The following PMS1 variants were observed in gnomAD, a reference collection of about 807,000 sequenced individuals.
PMS1 encodes PMS1 protein homolog 1.
PMS1 carries 79 observed loss-of-function variants against 93.1 expected under a neutral mutation model. The observed-to-expected ratio is 0.85, with a 90% CI of 0.71 to 1.02. The LOEUF (loss-of-function observed/expected upper bound fraction) is 1.02. Among genes scored for constraint, PMS1 ranks in the 50% least tolerant of loss-of-function variants. PMS1 has a pLI of 0.00. For synonymous variants in PMS1, 335 were observed against 363.4 expected, an observed-to-expected ratio of 0.92 and a Z score of 0.89; for missense variants, 1,064 against 1,085.3, an observed-to-expected ratio of 0.98 and a Z score of 0.28.
chr2:189,791,642 A>G lies in PMS1; in HGVS notation c.-20-148A>G, dbSNP rs2048881482. 4 of 608,864 alleles carry G rather than the reference A, an allele frequency of 6.6e-6. No homozygotes were observed. In the Admixed American group the frequency reaches 1.1e-4, roughly 17 times the overall value. The allele number at this position is 608,864 out of a possible 1,614,324, so 37.7% of individuals were successfully genotyped here. A position where few individuals can be genotyped will look rare whatever the true frequency, so the allele number is the denominator to read the frequency against. On this transcript the variant is annotated intron_variant, in intron 1 of 12. Coordinates refer to ENST00000441310, the MANE Select transcript of PMS1 (RefSeq NM_000534.5). The stretch of plus-strand genomic sequence containing the variant: ...AAAAAAAAAAAAGAAGAAATAGAAG[A>G]CTTAATATTGTATGTGCTAACAGTT...
At chr2:189,821,446 G>A (rs1424057606) in intron 5 of PMS1, among the ~76,000 whole-genome samples, 13 of 141,332 alleles carry the variant, frequency 9.2e-5, no homozygotes, top group Admixed American at 7.9e-4. Context: ...TACAGAGGGA[G>A]ACTCCGTCTC....
At position 189,861,663 on chromosome 2, in the gene PMS1, C is replaced by T. The variant is rs144933170; in HGVS notation, c.1857-2080C>T. On this transcript the variant is annotated intron_variant, in intron 9 of 12. Transcript: ENST00000441310. Reference sequence around the variant, plus strand: ...ACTCTGGAGGCTGAGGCAGGAAAATCGCTTAGAACCTGGGAGGCAGAGGTT... The same window carrying T: ...ACTCTGGAGGCTGAGGCAGGAAAATTGCTTAGAACCTGGGAGGCAGAGGTT... 2.9e-3 allele frequency among the ~76,000 whole-genome samples: 439 copies of T among 151,304 alleles called. 1 individual carries two copies. The highest frequency in any genetic ancestry group is 0.01 in the African/African-American group (418 of 41,230).
At chr2:189,855,157 G>C in intron 9 of PMS1, 29 bp downstream of exon 9, 3 of 1,585,004 alleles carry the variant, frequency 1.9e-6, no homozygotes, top group Non-Finnish European at 2.6e-6. Flanking sequence ...CATGTGACTT[G>C]AATGTTCAGC....
chr2:189,830,717 A>C (rs1484574045), intron 5 of PMS1, among the ~76,000 whole-genome samples: 1 of 152,218 alleles, frequency 6.6e-6, no homozygotes, highest in Non-Finnish European at 1.5e-5. Flanking sequence ...AACAGGATCA[A>C]GGGCTGAGAA....
At chr2:189,806,873 T>C in intron 4 of PMS1, 1 of 213,466 alleles carries the variant, frequency 4.7e-6, no homozygotes. Context: ...AATTATTAGA[T>C]CTGAAAAGGG....
At chr2:189,787,658 A>T (rs562552075) in intron 1 of PMS1, among the ~76,000 whole-genome samples, 81 of 151,902 alleles carry the variant, frequency 5.3e-4, no homozygotes, top group African/African-American at 1.8e-3. Context: ...TGATGTATGT[A>T]CATTATAGTT....
At chr2:189,788,819 TAGTGTTC>T (rs2048597453) in intron 1 of PMS1, among the ~76,000 whole-genome samples, 1 of 152,214 alleles carries the variant, frequency 6.6e-6, no homozygotes, top group South Asian at 2.1e-4. Flanking sequence ...TCTAGTGCTC[TAGTGTTC>T]AGTAAGCTAC....
At position 189,795,727 on chromosome 2, in the gene PMS1, T is replaced by C. The variant is rs1399851942; in HGVS notation, c.133-42T>C. 9 of 1,457,106 alleles carry C rather than the reference T, an allele frequency of 6.2e-6. No homozygotes were observed. The East Asian group carries it at 6.9e-5, about 11-fold the overall frequency. 90.3% of individuals were successfully genotyped at this position (1,457,106 alleles called of 1,614,324 possible). A position where few individuals can be genotyped will look rare whatever the true frequency, so the allele number is the denominator to read the frequency against. On this transcript the variant is annotated intron_variant, in intron 2 of 12. Coordinates refer to ENST00000441310, the MANE Select transcript of PMS1 (RefSeq NM_000534.5). ...TTTCTTTCTAAGTGTGATAACAGTT[T>C]AATATTTTTACATATTAAAAGTGTT...
chr2:189,877,242 G>A (rs749102466), intron 12 of PMS1, 30 bp from the exon 13 acceptor site: 57 of 1,598,770 alleles, frequency 3.6e-5, no homozygotes, highest in Non-Finnish European at 4.6e-5. Context: ...GGTATATCAT[G>A]GTAAAATGTG....
chr2:189,819,038 A>G (rs927635462), intron 5 of PMS1, among the ~76,000 whole-genome samples: 17 of 152,160 alleles, frequency 1.1e-4, no homozygotes, highest in Non-Finnish European at 2.2e-4. Context: ...ATTTGTCATC[A>G]TCCACCCTCC....
intron 4 of PMS1, among the ~76,000 whole-genome samples, chr2:189,813,788 A>G (rs377259529): frequency 1.3e-5 from 2 of 152,198 alleles, no homozygotes; most frequent in Non-Finnish European, 2.9e-5. Context: ...TGATGTGTCC[A>G]TTTCATGTGT....
chr2:189,852,334 A>G (rs947227972), intron 6 of PMS1, among the ~76,000 whole-genome samples: 1 of 152,214 alleles, frequency 6.6e-6, no homozygotes, highest in Non-Finnish European at 1.5e-5. Flanking sequence ...TAAAAGACAG[A>G]AAAAAGGTTG....
Position 189,877,305 on chromosome 2 carries a change from A to T in PMS1, c.2668A>T (p.Met890Leu), listed in dbSNP as rs537745271. The change falls in exon 13 of 13, where the codon ATG (methionine) becomes TTG (leucine). Residue 890 changes from methionine (M) to leucine (L), a missense_variant. Coordinates refer to ENST00000441310, the MANE Select transcript of PMS1 (RefSeq NM_000534.5). ...AGTGCGTCTATCCAGACAATTACCC[A>T]TGTACTTATCAAAAGAGGACATCCA... ...EAVRLSRQLP[M>L]YLSKEDIQDI... 3.5e-5 allele frequency: 56 copies of T among 1,613,650 alleles called. 2 individuals are homozygous for T. In the South Asian group the frequency reaches 6.0e-4, roughly 17 times the overall value.
At chr2:189,831,642 A>G (rs1490020678) in intron 5 of PMS1, among the ~76,000 whole-genome samples, 1 of 152,160 alleles carries the variant, frequency 6.6e-6, no homozygotes, top group Non-Finnish European at 1.5e-5. Flanking sequence ...CACTGACATA[A>G]TTTTGATTTT....
At chr2:189,789,795 A>G (rs1053351737) in intron 1 of PMS1, among the ~76,000 whole-genome samples, 47 of 151,828 alleles carry the variant, frequency 3.1e-4, no homozygotes, top group African/African-American at 1.1e-3. Context: ...CCTTGAGTCC[A>G]CCCCCAGCCC....
intron 9 of PMS1, among the ~76,000 whole-genome samples, chr2:189,859,927 T>A (rs2055769225): frequency 6.6e-6 from 1 of 152,168 alleles, no homozygotes; most frequent in African/African-American, 2.4e-5. Flanking sequence ...ATACAAAAAA[T>A]TTTCCTTAAT....
At chr2:189,832,062 C>T (rs1255660348) in intron 5 of PMS1, among the ~76,000 whole-genome samples, 1 of 152,056 alleles carries the variant, frequency 6.6e-6, no homozygotes, top group African/African-American at 2.4e-5. Context: ...GAATAAAGAA[C>T]CATATTGTTG....
intron 4 of PMS1, chr2:189,806,323 G>A (rs1575084183): frequency 3.2e-5 from 8 of 251,982 alleles, no homozygotes; most frequent in African/African-American, 1.6e-4. Context: ...GTTTCTACTT[G>A]TAATGTAGTT....
intron 5 of PMS1, among the ~76,000 whole-genome samples, chr2:189,820,153 G>A (rs1332119666): frequency 4.6e-5 from 7 of 152,180 alleles, no homozygotes; most frequent in Admixed American, 4.6e-4. Context: ...ACCAAGTGAT[G>A]TAGGGATTAT....
Sources: gnomAD v4.1 joint callset for allele counts (sites outside exome capture counted in the v4.1 genomes callset) on GRCh38, gnomAD v4.1.1 for gene constraint, MANE v1.5 for transcripts, NCBI Gene and HGNC (gene_info 2026-07-23, HGNC 2026-07-21) for gene names.